Variants in CMC1 observed in about 807,000 individuals in gnomAD.
CMC1 encodes C-X9-C motif containing 1.
CMC1 carries 14 observed loss-of-function variants against 14.1 expected under a neutral mutation model. The observed-to-expected ratio is 0.99, with a 90% CI of 0.66 to 1.55. The LOEUF (loss-of-function observed/expected upper bound fraction) is 1.55. CMC1 is among the 40% of genes most tolerant of loss of function. The pLI is 0.00. For synonymous variants in CMC1, 50 were observed against 38.4 expected, an observed-to-expected ratio of 1.30 and a Z score of -1.12; for missense variants, 127 against 123.8, an observed-to-expected ratio of 1.03 and a Z score of -0.12.
chr3:28,267,655 G>A (rs1408065009), intron 2 of CMC1, among the ~76,000 whole-genome samples: 1 of 152,170 alleles, frequency 6.6e-6, no homozygotes, highest in Non-Finnish European at 1.5e-5. Flanking sequence ...AGAGCTGTAG[G>A]TAAATAACAA....
At chr3:28,291,787 GGGGGAGAGGGA>G (rs1210376057) in intron 2 of CMC1, 1 of 152,102 alleles carries the variant, frequency 6.6e-6, no homozygotes, top group Non-Finnish European at 1.5e-5. Flanking sequence ...GCCTGAGGGA[GGGGGAGAGGGA>G]GCACATGGCC....
chr3:28,245,934 G>T (rs957653704), intron 1 of CMC1, among the ~76,000 whole-genome samples: 14 of 152,120 alleles, frequency 9.2e-5, no homozygotes, highest in Non-Finnish European at 1.5e-4. Flanking sequence ...AGGTTGTGGA[G>T]TTGATTAGAA....
rs2125633282 is a variant in CMC1, at chr3:28,324,239, T to G, written c.*4610T>G. 1 of 1,610,350 alleles carries G rather than the reference T, an allele frequency of 6.2e-7. No homozygotes were observed. Among genetic ancestry groups the G allele is most frequent in the East Asian group, 2.2e-5 (1 of 44,782 alleles). Reference sequence around the variant, plus strand: ...TGTTCCTGAAAGCATGTACCATCATTAGGAATGGATCTCTCATTGTCTGTC... The same window carrying G: ...TGTTCCTGAAAGCATGTACCATCATGAGGAATGGATCTCTCATTGTCTGTC... On this transcript the variant is annotated 3_prime_UTR_variant, in exon 4 of 4. Transcript: ENST00000466830.
At chr3:28,261,981 C>A (rs1699759114) in intron 1 of CMC1, among the ~76,000 whole-genome samples, 1 of 152,136 alleles carries the variant, frequency 6.6e-6, no homozygotes, top group Non-Finnish European at 1.5e-5. Context: ...GAGATTACTT[C>A]TTTTTCTGTA....
In CMC1 at chr3:28,314,785, A is replaced by G. The variant is rs574224234; in HGVS notation, c.110-1548A>G. 2.3e-3 allele frequency among the ~76,000 whole-genome samples: 354 copies of G among 150,672 alleles called. 2 individuals carry two copies. The highest frequency in any genetic ancestry group is 4.6e-3 in the Admixed American group (70 of 15,258). Reference sequence around the variant, plus strand: ...GGCCCCCCTAATGAATTTTTTATGCATTTAATAAATCTCATTTTTGGTTGC... The same window carrying G: ...GGCCCCCCTAATGAATTTTTTATGCGTTTAATAAATCTCATTTTTGGTTGC... On this transcript the variant is annotated intron_variant, in intron 2 of 3. Coordinates refer to ENST00000466830, the MANE Select transcript of CMC1 (RefSeq NM_182523.2).
At position 28,323,726 on chromosome 3, in the gene CMC1, C is replaced by T; in HGVS notation, c.*4097C>T. The T allele has an allele frequency of 5.0e-6, 1 of 200,960 alleles. No individual in the cohort carries two copies. Among genetic ancestry groups the T allele is most frequent in the Non-Finnish European group, 9.9e-6 (1 of 100,716 alleles). 12.4% of individuals were successfully genotyped at this position (200,960 alleles called of 1,614,324 possible). A position where few individuals can be genotyped will look rare whatever the true frequency, so the allele number is the denominator to read the frequency against. On this transcript the variant is annotated 3_prime_UTR_variant, in exon 4 of 4. Transcript: ENST00000466830. ...TTTGTAAAACCACGTCTACAATCTC[C>T]AATTCCATTCTTCTGAGAGGCAAAA...
intron 1 of CMC1, among the ~76,000 whole-genome samples, chr3:28,242,597 C>T (rs1599826): frequency 0.18 from 28,051 of 152,114 alleles, 3,107 homozygotes; most frequent in Middle Eastern, 0.27. Flanking sequence ...ATATGTAGCA[C>T]AGAAATAATG....
chr3:28,324,335 A>T lies in CMC1; in HGVS notation c.*4706A>T. The T allele has an allele frequency of 6.2e-7, 1 of 1,603,048 alleles. No homozygotes were observed. The highest frequency in any genetic ancestry group is 8.5e-7 in the Non-Finnish European group (1 of 1,173,934). On this transcript the variant is annotated 3_prime_UTR_variant, in exon 4 of 4. Coordinates refer to ENST00000466830, the MANE Select transcript of CMC1 (RefSeq NM_182523.2). ...GGTAAAGGGGAAGATGTGGTATGAC[A>T]AAGAGCTTTGCCATTTGGTAAGAGA...
chr3:28,299,044 G>A (rs1701890113), intron 2 of CMC1, among the ~76,000 whole-genome samples: 1 of 152,024 alleles, frequency 6.6e-6, no homozygotes, highest in Non-Finnish European at 1.5e-5. Flanking sequence ...CTGATAAATA[G>A]TGAGGTTGTT....
intron 1 of CMC1, among the ~76,000 whole-genome samples, chr3:28,245,283 C>CT (rs1049708013): frequency 1.9e-4 from 29 of 151,908 alleles, no homozygotes; most frequent in Admixed American, 7.9e-4. Context: ...CATTATTTTC[C>CT]TTTTTTTTGT....
chr3:28,267,479 TACTG>T (rs1182773661), intron 2 of CMC1, among the ~76,000 whole-genome samples: 1 of 152,202 alleles, frequency 6.6e-6, no homozygotes, highest in African/African-American at 2.4e-5. Context: ...TGTATTCTCT[TACTG>T]ACTCCTTTCA....
At chr3:28,279,875 A>G (rs1008829355) in intron 2 of CMC1, among the ~76,000 whole-genome samples, 6 of 152,228 alleles carry the variant, frequency 3.9e-5, no homozygotes, top group Non-Finnish European at 5.9e-5. Context: ...CACTAACAAC[A>G]TTCACAAAAC....
Position 28,324,021 on chromosome 3 carries a change from AAATCGTG to A in CMC1, c.*4397_*4403del. ...GAAAGAGATAAGTGTCCTCATGGTG[AAATCGTG>A]AATCTCTTCCAAATTAATTCTTATA... On this transcript the variant is annotated 3_prime_UTR_variant, in exon 4 of 4. Transcript: ENST00000466830. 2.5e-6 allele frequency: 4 copies of A among 1,579,854 alleles called. No individual in the cohort carries two copies. Among genetic ancestry groups the A allele is most frequent in the Non-Finnish European group, 3.5e-6 (4 of 1,157,164 alleles).
intron 2 of CMC1, among the ~76,000 whole-genome samples, chr3:28,306,131 C>G (rs1409178453): frequency 2.0e-5 from 3 of 151,808 alleles, no homozygotes; most frequent in South Asian, 2.1e-4. Flanking sequence ...ATGCTTCCAG[C>G]TTTGTTCTTT....
In CMC1 at chr3:28,305,597, C is replaced by T. The variant is rs115431675; in HGVS notation, c.110-10736C>T. Among the ~76,000 whole-genome samples, 267 of 152,110 alleles carry T rather than the reference C, an allele frequency of 1.8e-3. 1 individual carries two copies. The highest frequency in any genetic ancestry group is 6.2e-3 in the African/African-American group (258 of 41,504). On this transcript the variant is annotated intron_variant, in intron 2 of 3. Transcript: ENST00000466830. ...AGTCCTTTGTTGGATGCATAGTTTG[C>T]AAGTATTTTCTCCTTTTCTCTAGGT...
intron 1 of CMC1, among the ~76,000 whole-genome samples, chr3:28,261,686 C>T (rs1699742727): frequency 6.6e-6 from 1 of 152,114 alleles, no homozygotes; most frequent in African/African-American, 2.4e-5. Flanking sequence ...TTTTACATCA[C>T]TAAATTTGAT....
intron 1 of CMC1, among the ~76,000 whole-genome samples, chr3:28,250,087 G>A (rs766584550): frequency 6.6e-6 from 1 of 152,132 alleles, no homozygotes; most frequent in Non-Finnish European, 1.5e-5. Context: ...CCTCCCAAAA[G>A]CACTGTCTCC....
At chr3:28,274,220 C>CTTTTTTTTT (rs544985268) in intron 2 of CMC1, among the ~76,000 whole-genome samples, 73 of 112,282 alleles carry the variant, frequency 6.5e-4, no homozygotes, top group African/African-American at 9.3e-4. Context: ...TTGTTTTTTT[C>CTTTTTTTTT]TTTTTTTTTT....
At chr3:28,284,687 C>T (rs1028406620) in intron 2 of CMC1, among the ~76,000 whole-genome samples, 2 of 151,904 alleles carry the variant, frequency 1.3e-5, no homozygotes, top group Admixed American at 6.6e-5. Context: ...AAGCACTCTT[C>T]TATATAAGCC....
Sources: allele counts gnomAD v4.1 joint callset (sites outside exome capture counted in the v4.1 genomes callset), GRCh38; gene constraint gnomAD v4.1.1; transcripts MANE v1.5; gene names NCBI Gene and HGNC (gene_info 2026-07-23, HGNC 2026-07-21).